CACNA1B: variants seen among roughly 807,000 people sequenced by gnomAD.
CACNA1B encodes voltage-dependent N-type calcium channel subunit alpha-1B.
CACNA1B carries 70 observed loss-of-function variants against 247.2 expected under a neutral mutation model. The observed-to-expected ratio is 0.28, with a 90% CI of 0.23 to 0.35. The LOEUF (loss-of-function observed/expected upper bound fraction) is 0.35. Among genes scored for constraint, CACNA1B ranks in the 10% least tolerant of loss-of-function variants. The pLI, the probability that CACNA1B is intolerant of heterozygous loss-of-function variation, is 1.00. For synonymous variants in CACNA1B, 1,231 were observed against 1,294.4 expected (o/e 0.95, Z 1.05); for missense variants, 2,367 against 3,197.4 (o/e 0.74, Z 6.26).
chr9:138,096,784 G>C (rs1961070414), intron 37 of CACNA1B, among the ~76,000 whole-genome samples, 173 bp downstream of exon 37: 1 of 148,048 alleles, frequency 6.8e-6, no homozygotes, highest in Non-Finnish European at 1.5e-5. Flanking sequence ...CCTCCGAGCA[G>C]CACCTCCCTT....
At position 137,971,371 on chromosome 9, in the gene CACNA1B, C is replaced by G. The variant is rs371149516; in HGVS notation, c.1334-12C>G. ...TGGTCCCCACATCCTCAGTAACTCC[C>G]CATCCCCTCAGGATCCCCCTTCGCC... On this transcript the variant is annotated splice_polypyrimidine_tract_variant and intron_variant, in intron 10 of 46. Coordinates refer to ENST00000371372, the MANE Select transcript of CACNA1B (RefSeq NM_000718.4). This position sits in a 1 kb window ranked among gnomAD's most constrained non-coding sequence, Gnocchi z 4.4. 3.1e-6 allele frequency: 5 copies of G among 1,597,396 alleles called. No homozygotes were observed. In the South Asian group the frequency reaches 4.5e-5, roughly 14 times the overall value.
Position 138,121,865 on chromosome 9 carries a change from T to C in CACNA1B, c.6886T>C (p.Tyr2296His). 1 of 1,613,342 alleles carries C rather than the reference T, an allele frequency of 6.2e-7. No individual in the cohort carries two copies. Among genetic ancestry groups the C allele is most frequent in the Non-Finnish European group, 8.5e-7 (1 of 1,179,856 alleles). The change falls in exon 47 of 47, where the codon TAC becomes CAC. Residue 2296 changes from tyrosine (Y) to histidine (H), a missense_variant. Tyr to His is a moderately conservative substitution (Grantham distance 83). Around this residue, in one of 12 missense-constraint regions of CACNA1B, gnomAD observed 773 missense variants for 779.4 expected, o/e 0.99. Transcript: ENST00000371372. This position sits in a 1 kb window ranked among gnomAD's most constrained non-coding sequence, Gnocchi z 6.8. ...TNSGRSSRTSYVSSLTSQSHP... is the reference protein window; with the variant it reads ...TNSGRSSRTSHVSSLTSQSHP... ...CTCGGGCCGCTCCTCCAGGACTTCCTACGTGTCCTCCCTGACCTCCCAGTC... is the reference window on the plus strand; with the variant it reads ...CTCGGGCCGCTCCTCCAGGACTTCCCACGTGTCCTCCCTGACCTCCCAGTC...
chr9:138,001,383 G>A (rs769567574), intron 15 of CACNA1B, among the ~76,000 whole-genome samples: 6 of 152,114 alleles, frequency 3.9e-5, no homozygotes, highest in Non-Finnish European at 1.5e-5. Flanking sequence ...GTTCTAAAAT[G>A]GACTGTGATA....
chr9:137,944,410 T>G (rs1957769879), intron 6 of CACNA1B, among the ~76,000 whole-genome samples: 1 of 152,186 alleles, frequency 6.6e-6, no homozygotes, highest in Non-Finnish European at 1.5e-5. Context: ...AAGGAGAGCC[T>G]CAAGAAACTT....
At chr9:137,975,065 A>G (rs1055044675) in intron 11 of CACNA1B, among the ~76,000 whole-genome samples, 5 of 152,118 alleles carry the variant, frequency 3.3e-5, no homozygotes, top group African/African-American at 1.2e-4. Flanking sequence ...CTCTGGAGCC[A>G]CGGCGTTCTT....
At chr9:138,001,550 C>T (rs1001555375) in intron 15 of CACNA1B, among the ~76,000 whole-genome samples, 1 of 151,472 alleles carries the variant, frequency 6.6e-6, no homozygotes, top group Non-Finnish European at 1.5e-5. Context: ...AATAAGGATG[C>T]CTACTATTCA....
At chr9:138,016,236 T>A (rs1958790862) in intron 18 of CACNA1B, among the ~76,000 whole-genome samples, 2 of 152,232 alleles carry the variant, frequency 1.3e-5, no homozygotes, top group African/African-American at 4.8e-5. Context: ...AGCCAGAGCC[T>A]GTGGGCAAGT....
intron 44 of CACNA1B, among the ~76,000 whole-genome samples, chr9:138,119,311 T>A (rs1352640111): frequency 6.6e-6 from 1 of 152,100 alleles, no homozygotes; most frequent in African/African-American, 2.4e-5. Flanking sequence ...GCCCCATGTG[T>A]TTCCCGGGGG....
intron 6 of CACNA1B, among the ~76,000 whole-genome samples, chr9:137,936,264 TG>T: frequency 6.6e-6 from 1 of 152,362 alleles, no homozygotes; most frequent in East Asian, 1.9e-4. Context: ...CGTTTTTTCA[TG>T]TGCCTGTTGG....
At chr9:137,885,336 G>C (rs190780009) in intron 3 of CACNA1B, among the ~76,000 whole-genome samples, 1 of 152,220 alleles carries the variant, frequency 6.6e-6, no homozygotes, top group South Asian at 2.1e-4. Flanking sequence ...TCTGTGTGTG[G>C]AGGGGGCTGG....
At chr9:138,112,546 A>G (rs780245484) in intron 40 of CACNA1B, 41 bp downstream of exon 40, 6 of 1,314,760 alleles carry the variant, frequency 4.6e-6, no homozygotes, top group East Asian at 2.3e-5. Flanking sequence ...CCCCACCTTT[A>G]CTGTCCCACC....
intron 3 of CACNA1B, among the ~76,000 whole-genome samples, chr9:137,885,240 C>T (rs1484069803): frequency 1.3e-5 from 2 of 151,748 alleles, no homozygotes; most frequent in East Asian, 2.0e-4. Flanking sequence ...CCCACGGGGC[C>T]ACATGCTGGC....
At chr9:138,009,390 A>G (rs563455164) in intron 16 of CACNA1B, among the ~76,000 whole-genome samples, 1 of 152,386 alleles carries the variant, frequency 6.6e-6, no homozygotes, top group East Asian at 1.9e-4. Flanking sequence ...AAGAGGCCCC[A>G]GGACACCATG....
chr9:138,080,645 C>G (rs1051547808), intron 36 of CACNA1B, among the ~76,000 whole-genome samples: 9 of 151,996 alleles, frequency 5.9e-5, no homozygotes, highest in Admixed American at 2.0e-4. Flanking sequence ...AAACAGCAAG[C>G]CAGGTGCTAA....
At chr9:138,104,220 C>A (rs1486896991) in intron 38 of CACNA1B, among the ~76,000 whole-genome samples, 25 of 152,210 alleles carry the variant, frequency 1.6e-4, no homozygotes, top group Admixed American at 1.6e-3. Flanking sequence ...TGTTTGTTTG[C>A]CCTGGCCTTG....
chr9:138,043,565 T>C (rs899253917), intron 20 of CACNA1B, among the ~76,000 whole-genome samples: 2 of 151,798 alleles, frequency 1.3e-5, no homozygotes, highest in Admixed American at 1.3e-4. Flanking sequence ...TGAGGAAGGG[T>C]CCGTTAGCGT....
At chr9:137,904,921 GA>G (rs1802902495) in intron 3 of CACNA1B, among the ~76,000 whole-genome samples, 1 of 152,114 alleles carries the variant, frequency 6.6e-6, no homozygotes, top group Admixed American at 6.5e-5. Flanking sequence ...CTGACTTGAA[GA>G]AAATCCTTCA....
At position 137,927,091 on chromosome 9, in the gene CACNA1B, C is replaced by T. The variant is rs72769045; in HGVS notation, c.966+9660C>T. On this transcript the variant is annotated intron_variant, in intron 6 of 46. Coordinates refer to ENST00000371372, the MANE Select transcript of CACNA1B (RefSeq NM_000718.4). ...GTTGCCTTTACCTTTGATGTCATAT[C>T]CAAGAAGTCGCTGTCAAATCTAATA... Among the ~76,000 whole-genome samples the T allele has an allele frequency of 2.2e-3, 340 of 152,266 alleles. 3 individuals carry two copies. The highest frequency in any genetic ancestry group is 3.7e-3 in the Non-Finnish European group (251 of 68,026).
intron 15 of CACNA1B, among the ~76,000 whole-genome samples, chr9:138,000,382 G>A (rs1010365782): frequency 4.6e-5 from 7 of 152,178 alleles, no homozygotes; most frequent in Non-Finnish European, 8.8e-5. Flanking sequence ...ACAGACATGA[G>A]CCACCGTGCC....
Sources: allele counts gnomAD v4.1 joint callset (sites outside exome capture counted in the v4.1 genomes callset), GRCh38; gene constraint gnomAD v4.1.1; regional missense constraint gnomAD v4.1.1; non-coding constraint Gnocchi (gnomAD v3.1); transcripts MANE v1.5; gene names NCBI Gene and HGNC (gene_info 2026-07-23, HGNC 2026-07-21).